Variants in GSTP1 observed in about 807,000 individuals in gnomAD.
GSTP1 encodes glutathione S-transferase P.
Under a neutral mutation model 29.4 loss-of-function variants are expected in GSTP1, and 28 were observed. The observed-to-expected ratio is 0.95, with a 90% CI of 0.71 to 1.30. The LOEUF (loss-of-function observed/expected upper bound fraction) is 1.30. Among genes scored for constraint, GSTP1 ranks in the 50% most tolerant of loss-of-function variants. GSTP1 has a pLI of 0.00. For missense variants in GSTP1, 267 were observed against 266.1 expected (o/e 1.00, Z -0.02); for synonymous variants, 122 against 117.0 (o/e 1.04, Z -0.28).
At chr11:67,585,962 G>A (rs1484774265) in intron 5 of GSTP1, 142 bp from the exon 6 acceptor site, 2 of 629,772 alleles carry the variant, frequency 3.2e-6, no homozygotes, top group Non-Finnish European at 5.8e-6. Flanking sequence ...GGCAGCTGAA[G>A]TGGACAGGAT....
At position 67,586,450 on chromosome 11, in the gene GSTP1, G is replaced by A. The variant is rs41462048; in HGVS notation, c.506G>A (p.Gly169Asp). ...CTGATCCATGAGGTCCTAGCCCCTG[G>A]CTGCCTGGATGCGTTCCCCCTGCTC... is the stretch of plus-strand genomic sequence containing the variant. ...LLLIHEVLAPGCLDAFPLLSA... is the reference protein window; with the variant it reads ...LLLIHEVLAPDCLDAFPLLSA... The change falls in exon 7 of 7, where the codon GGC becomes GAC. Residue 169 changes from glycine to aspartate, a missense_variant. Gly to Asp is a moderately conservative substitution (Grantham distance 94). Transcript: ENST00000398606. 1 of 1,614,062 alleles carries A rather than the reference G, an allele frequency of 6.2e-7. No individual in the cohort carries two copies. Among genetic ancestry groups the A allele is most frequent in the South Asian group, 1.1e-5 (1 of 91,076 alleles).
rs369555354 is a variant in GSTP1, at chr11:67,586,444, C to T, written c.500C>T (p.Ala167Val). Residue 167 changes from alanine (A) to valine (V), a missense_variant, in exon 7 of 7, where the codon GCC becomes GTC. By Grantham distance (64) the Ala-to-Val change is moderately conservative (BLOSUM62 0). Transcript: ENST00000398606. ...LDLLLIHEVL[A>V]PGCLDAFPLL... ...TTGCTGCTGATCCATGAGGTCCTAG[C>T]CCCTGGCTGCCTGGATGCGTTCCCC... 5 of 1,614,074 alleles carry T rather than the reference C, an allele frequency of 3.1e-6. No individual in the cohort carries two copies. In the African/African-American group the frequency reaches 4.0e-5, roughly 13 times the overall value.
At chr11:67,585,317 C>T in intron 5 of GSTP1, 76 bp downstream of exon 5, 6 of 1,038,596 alleles carry the variant, frequency 5.8e-6, no homozygotes, top group Non-Finnish European at 8.8e-6. Flanking sequence ...CCCCCCTTAC[C>T]CCTCAGGTGG....
intron 4 of GSTP1, 45 bp downstream of exon 4, chr11:67,584,817 C>T (rs760398483): frequency 3.1e-5 from 42 of 1,372,596 alleles, no homozygotes; most frequent in Non-Finnish European, 4.3e-5. Flanking sequence ...GGGCAAGCCT[C>T]TGCCCCCGGA....
rs563603340 is a variant in GSTP1 at position 67,585,240 on chromosome 11, A to G, written c.335A>G (p.Tyr112Cys). 2.3e-5 allele frequency: 37 copies of G among 1,579,436 alleles called. No homozygotes were observed. In the East Asian group the frequency reaches 7.8e-4, roughly 33 times the overall value. Residue 112 changes from tyrosine to cysteine, a missense_variant and splice_region_variant, in exon 5 of 7, where the codon TAT (tyrosine) becomes TGT (cysteine). Tyr to Cys is a radical substitution (Grantham distance 194, BLOSUM62 -2). Transcript: ENST00000398606. ...CKYISLIYTN[Y>C]EAGKDDYVKA... ...TACATCTCCCTCATCTACACCAACT[A>G]TGTGAGCATCTGCACCAGGGTTGGG...
chr11:67,586,597 C>T lies in GSTP1; in HGVS notation c.*20C>T, dbSNP rs370494618. On this transcript the variant is annotated 3_prime_UTR_variant, in exon 7 of 7. Coordinates refer to ENST00000398606, the MANE Select transcript of GSTP1 (RefSeq NM_000852.4). Reference sequence around the variant, plus strand: ...CAGTGAGGGTTGGGGGGACTCTGAGCGGGAGGCAGAGTTTGCCTTCCTTTC... The same window carrying T: ...CAGTGAGGGTTGGGGGGACTCTGAGTGGGAGGCAGAGTTTGCCTTCCTTTC... 60 of 1,587,410 alleles carry T rather than the reference C, an allele frequency of 3.8e-5. 1 individual carries two copies. Among genetic ancestry groups the T allele is most frequent in the South Asian group, 1.1e-4 (10 of 89,620 alleles).
chr11:67,584,427 C>A, intron 2 of GSTP1, 37 bp from the exon 3 acceptor site: 1 of 1,215,962 alleles, frequency 8.2e-7, no homozygotes, highest in South Asian at 1.5e-5. Flanking sequence ...GCGGAGTCGG[C>A]CCGGTCCCCA....
At chr11:67,584,326 C>A in intron 2 of GSTP1, 138 bp from the exon 3 acceptor site, 2 of 721,336 alleles carry the variant, frequency 2.8e-6, no homozygotes, top group Non-Finnish European at 4.7e-6. Context: ...GCCATGCCTG[C>A]TCCCCGCCCC....
chr11:67,586,397 C>T lies in GSTP1; in HGVS notation c.453C>T (p.Phe151=), dbSNP rs777261816. ...KTFIVGDQIS[F]ADYNLLDLLL... ...GCCCCCCTGCCCTGCAGATCTCCTT[C>T]GCTGACTACAACCTGCTGGACTTGC... The change falls in exon 7 of 7, where the codon TTC becomes TTT. Residue 151 remains phenylalanine (F), a synonymous_variant. Coordinates refer to ENST00000398606, the MANE Select transcript of GSTP1 (RefSeq NM_000852.4). The T allele has an allele frequency of 1.4e-5, 22 of 1,612,960 alleles. No individual in the cohort carries two copies. The highest frequency in any genetic ancestry group is 1.6e-4 in the Middle Eastern group (1 of 6,078).
rs1173395433 is a variant in GSTP1 at position 67,584,019 on chromosome 11, CGGAGCGCCTCGGGGAG to C, written c.2-111_2-96del. The stretch of plus-strand genomic sequence containing the variant: ...TGCCGTTAGCGGCTTTCAGGGGGCC[CGGAGCGCCTCGGGGAG>C]GGATGGGACCCCGGGGGCGGGGAGG... On this transcript the variant is annotated intron_variant, in intron 1 of 6. Coordinates refer to ENST00000398606, the MANE Select transcript of GSTP1 (RefSeq NM_000852.4). 7 of 745,276 alleles carry C rather than the reference CGGAGCGCCTCGGGGAG, an allele frequency of 9.4e-6. No homozygotes were observed. In the Admixed American group the frequency reaches 1.7e-4, roughly 18 times the overall value. The allele number at this position is 745,276 out of a possible 1,614,324, so 46.2% of individuals were successfully genotyped here.
At chr11:67,585,355 G>T (rs1346319128) in intron 5 of GSTP1, 114 bp downstream of exon 5, 1 of 695,016 alleles carries the variant, frequency 1.4e-6, no homozygotes, top group Non-Finnish European at 2.4e-6. Context: ...TTGGGTCAGG[G>T]TGCAGGGGCT....
intron 1 of GSTP1, 122 bp from the exon 2 acceptor site, chr11:67,584,012 G>C: frequency 2.5e-6 from 2 of 791,390 alleles, no homozygotes; most frequent in East Asian, 2.7e-5. Context: ...GCGGCTTTCA[G>C]GGGGCCCGGA....
intron 1 of GSTP1, 86 bp from the exon 2 acceptor site, chr11:67,584,048 G>A: frequency 5.5e-6 from 6 of 1,096,372 alleles, no homozygotes; most frequent in Admixed American, 2.2e-5. Context: ...ATGGGACCCC[G>A]GGGGCGGGGA....
At chr11:67,584,284 C>G in intron 2 of GSTP1, 115 bp downstream of exon 2, 2 of 838,334 alleles carry the variant, frequency 2.4e-6, no homozygotes, top group East Asian at 2.6e-5. Flanking sequence ...TGGCTTTTAC[C>G]CCGGGCCTCC....
intron 1 of GSTP1, 81 bp downstream of exon 1, chr11:67,583,925 C>A: frequency 1.5e-6 from 1 of 679,520 alleles, no homozygotes; most frequent in South Asian, 1.6e-5. Context: ...CAGGCCCGGG[C>A]TCCCGGCAGG....
intron 4 of GSTP1, 53 bp downstream of exon 4, chr11:67,584,825 G>A (rs764069834): frequency 6.8e-6 from 9 of 1,326,908 alleles, no homozygotes; most frequent in South Asian, 2.3e-5. Flanking sequence ...CTCTGCCCCC[G>A]GAGCCCTTTT....
At position 67,586,487 on chromosome 11, in the gene GSTP1, G is replaced by T. The variant is rs759007458; in HGVS notation, c.543G>T (p.Val181=). The change falls in exon 7 of 7, where the codon GTG becomes GTT. Residue 181 remains valine (V), a synonymous_variant. Coordinates refer to ENST00000398606, the MANE Select transcript of GSTP1 (RefSeq NM_000852.4). ...CGTTCCCCCTGCTCTCAGCATATGTGGGGCGCCTCAGTGCCCGGCCCAAGC... is the reference window on the plus strand; with the variant it reads ...CGTTCCCCCTGCTCTCAGCATATGTTGGGCGCCTCAGTGCCCGGCCCAAGC... ...LDAFPLLSAY[V]GRLSARPKLK... 3 of 1,614,098 alleles carry T rather than the reference G, an allele frequency of 1.9e-6. No individual in the cohort carries two copies. The South Asian group carries it at 3.3e-5, about 18-fold the overall frequency.
intron 2 of GSTP1, 81 bp downstream of exon 2, chr11:67,584,250 G>T: frequency 8.8e-7 from 1 of 1,141,398 alleles, no homozygotes; most frequent in Non-Finnish European, 1.3e-6. Context: ...GGAGAGATCC[G>T]AACCCCCTTA....
Position 67,586,542 on chromosome 11 carries a change from G to A in GSTP1, c.598G>A (p.Val200Met), listed in dbSNP as rs779834912. ...GGCCTTCCTGGCCTCCCCTGAGTACGTGAACCTCCCCATCAATGGCAACGG... is the reference window on the plus strand; with the variant it reads ...GGCCTTCCTGGCCTCCCCTGAGTACATGAACCTCCCCATCAATGGCAACGG... ...LKAFLASPEY[V>M]NLPINGNGKQ Residue 200 changes from valine (V) to methionine (M), a missense_variant, in exon 7 of 7, where the codon GTG (valine) becomes ATG (methionine). By Grantham distance (21) the Val-to-Met change is conservative (BLOSUM62 1). Transcript: ENST00000398606. 3.0e-5 allele frequency: 48 copies of A among 1,613,714 alleles called. No homozygotes were observed. The highest frequency in any genetic ancestry group is 1.8e-4 in the Admixed American group (11 of 59,902).
Sources: gnomAD v4.1 joint callset for allele counts on GRCh38, gnomAD v4.1.1 for gene constraint, MANE v1.5 for transcripts, NCBI Gene and HGNC (gene_info 2026-07-23, HGNC 2026-07-21) for gene names.